The following CSGALNACT1 variants were observed in gnomAD, a reference collection of about 807,000 sequenced individuals.
CSGALNACT1 encodes the protein chondroitin sulfate N-acetylgalactosaminyltransferase 1.
A neutral mutation model predicts 51.0 loss-of-function variants in CSGALNACT1; 52 were observed. The observed-to-expected ratio is 1.02, with a 90% CI of 0.82 to 1.29. The LOEUF is 1.29. Ranked by LOEUF, CSGALNACT1 falls within the 50% of genes most tolerant of loss-of-function variation. The pLI, the probability that CSGALNACT1 is intolerant of heterozygous loss-of-function variation, is 0.00. For synonymous variants in CSGALNACT1, 341 were observed against 254.4 expected (o/e 1.34, Z -3.24); for missense variants, 935 against 679.2 (o/e 1.38, Z -4.19).
intron 1 of CSGALNACT1, among the ~76,000 whole-genome samples, chr8:19,622,714 C>G (rs548871229): frequency 3.3e-5 from 5 of 150,726 alleles, no homozygotes; most frequent in African/African-American, 1.2e-4. Context: ...GTAACCACTA[C>G]AAGAATGTAA....
chr8:19,666,992 AAAG>A (rs2059356404), intron 1 of CSGALNACT1, among the ~76,000 whole-genome samples: 19 of 18,340 alleles, frequency 1.0e-3, no homozygotes, highest in African/African-American at 7.1e-3. Flanking sequence ...AGAAAGAAAG[AAAG>A]AAAGAAAGAA....
intron 6 of CSGALNACT1, among the ~76,000 whole-genome samples, chr8:19,429,499 GCTA>G (rs1377219342): frequency 1.3e-5 from 2 of 152,150 alleles, no homozygotes; most frequent in African/African-American, 4.8e-5. Flanking sequence ...TTTACATCTG[GCTA>G]CTTTCATTTA....
chr8:19,720,008 C>T (rs1312132859), intron 1 of CSGALNACT1, among the ~76,000 whole-genome samples: 1 of 152,174 alleles, frequency 6.6e-6, no homozygotes, highest in Non-Finnish European at 1.5e-5. Flanking sequence ...TTTGACCTCA[C>T]TTTTTGCCCT....
chr8:19,469,364 C>T (rs932134412), intron 4 of CSGALNACT1, among the ~76,000 whole-genome samples: 1 of 152,054 alleles, frequency 6.6e-6, no homozygotes, highest in Non-Finnish European at 1.5e-5. Context: ...GCACTGCAGC[C>T]TGGGTGACAG....
chr8:19,470,901 G>C (rs959290939), intron 4 of CSGALNACT1, among the ~76,000 whole-genome samples: 1 of 152,110 alleles, frequency 6.6e-6, no homozygotes. Context: ...TTCCAGACTA[G>C]CCTGGCCAAT....
intron 1 of CSGALNACT1, among the ~76,000 whole-genome samples, chr8:19,645,746 T>G (rs901645260): frequency 6.6e-6 from 1 of 152,142 alleles, no homozygotes; most frequent in African/African-American, 2.4e-5. Context: ...TTGGCAGAAG[T>G]GGCTGGAACA....
chr8:19,419,561 C>G (rs1295129526), intron 7 of CSGALNACT1, among the ~76,000 whole-genome samples: 1 of 152,198 alleles, frequency 6.6e-6, no homozygotes, highest in African/African-American at 2.4e-5. Flanking sequence ...TGAGTGGAGT[C>G]TGTGAAAGTC....
At chr8:19,464,316 G>A (rs2153831462) in intron 4 of CSGALNACT1, among the ~76,000 whole-genome samples, 1 of 152,194 alleles carries the variant, frequency 6.6e-6, no homozygotes, top group South Asian at 2.1e-4. Context: ...TGGCCCTTAT[G>A]TGTTCACAGC....
chr8:19,549,304 CCTAA>C (rs370212694), intron 3 of CSGALNACT1, among the ~76,000 whole-genome samples: 23 of 152,152 alleles, frequency 1.5e-4, no homozygotes, highest in African/African-American at 4.8e-4. Context: ...AAATATTGTT[CCTAA>C]CTAAGCCCAA....
At chr8:19,539,431 A>G (rs148060445) in intron 3 of CSGALNACT1, among the ~76,000 whole-genome samples, 2 of 152,328 alleles carry the variant, frequency 1.3e-5, no homozygotes, top group East Asian at 3.9e-4. Flanking sequence ...TCCAAGTCCT[A>G]TATTCTACCG....
chr8:19,582,080 TATAG>T (rs1022397482), intron 3 of CSGALNACT1, among the ~76,000 whole-genome samples: 6 of 152,198 alleles, frequency 3.9e-5, no homozygotes, highest in Non-Finnish European at 8.8e-5. Flanking sequence ...ATATATAATT[TATAG>T]ATAGACAGAT....
chr8:19,501,743 CAG>C (rs1203968248), intron 4 of CSGALNACT1, among the ~76,000 whole-genome samples: 2 of 152,204 alleles, frequency 1.3e-5, no homozygotes, highest in African/African-American at 4.8e-5. Context: ...AACAGGAAAT[CAG>C]AGCCAAAATA....
At chr8:19,549,551 G>A (rs2087395423) in intron 3 of CSGALNACT1, among the ~76,000 whole-genome samples, 1 of 151,066 alleles carries the variant, frequency 6.6e-6, no homozygotes, top group African/African-American at 2.4e-5. Flanking sequence ...GTCCAATCAA[G>A]ACAGCCTGTT....
At chr8:19,576,325 A>C (rs375486290) in intron 3 of CSGALNACT1, among the ~76,000 whole-genome samples, 1 of 152,168 alleles carries the variant, frequency 6.6e-6, no homozygotes, top group Non-Finnish European at 1.5e-5. Flanking sequence ...CCTCCCCAAT[A>C]CTGGGATTAC....
At chr8:19,469,129 C>T (rs1487232031) in intron 4 of CSGALNACT1, among the ~76,000 whole-genome samples, 1 of 152,158 alleles carries the variant, frequency 6.6e-6, no homozygotes, top group South Asian at 2.1e-4. Flanking sequence ...GTGGCTCATA[C>T]TTGTAATCCT....
chr8:19,731,827 G>T (rs1353088878), intron 1 of CSGALNACT1, among the ~76,000 whole-genome samples: 1 of 152,114 alleles, frequency 6.6e-6, no homozygotes, highest in Admixed American at 6.6e-5. Context: ...CTCTATAATT[G>T]TATATTGAGA....
intron 1 of CSGALNACT1, among the ~76,000 whole-genome samples, chr8:19,746,158 T>G (rs931847109): frequency 2.0e-5 from 3 of 152,214 alleles, no homozygotes; most frequent in African/African-American, 7.2e-5. Flanking sequence ...TGGACCAGTT[T>G]CAGATGCTCC....
intron 1 of CSGALNACT1, among the ~76,000 whole-genome samples, chr8:19,657,064 TTAAA>T (rs2058343959): frequency 1.1e-5 from 1 of 93,834 alleles, no homozygotes; most frequent in African/African-American, 3.9e-5. Context: ...CTCCATCTCA[TTAAA>T]AAAAAAAAAA....
At position 19,701,153 on chromosome 8, in the gene CSGALNACT1, G is replaced by GTTTTTTTTTTTTT. The variant is rs767074945; in HGVS notation, c.-297+56684_-297+56696dup. Among the ~76,000 whole-genome samples the GTTTTTTTTTTTTT allele has an allele frequency of 4.2e-4, 39 of 93,278 alleles. 5 individuals are homozygous for GTTTTTTTTTTTTT. The highest frequency in any genetic ancestry group is 8.9e-4 in the South Asian group (2 of 2,240). The allele number at this position is 93,278 out of a possible 152,430, so 61.2% of individuals were successfully genotyped here. The stretch of plus-strand genomic sequence containing the variant: ...GAAAATTTCAGTTCATCTATTATCC[G>GTTTTTTTTTTTTT]TTTTTTTTTTTTTTTTTTTTGATAC... On this transcript the variant is annotated intron_variant, in intron 1 of 1. Coordinates refer to the CSGALNACT1 transcript ENST00000517494.
Sources: gnomAD v4.1 joint callset for allele counts (sites outside exome capture counted in the v4.1 genomes callset) on GRCh38, gnomAD v4.1.1 for gene constraint, MANE v1.5 for transcripts, NCBI Gene and HGNC (gene_info 2026-07-23, HGNC 2026-07-21) for gene names.